NTM: variants seen among roughly 807,000 people sequenced by gnomAD.
NTM encodes the protein IgLON family member 2.
NTM carries 13 observed loss-of-function variants against 42.1 expected under a neutral mutation model. The observed-to-expected ratio is 0.31, with a 90% confidence interval of 0.20 to 0.49. The LOEUF (loss-of-function observed/expected upper bound fraction) is 0.49, where lower values mean the gene tolerates loss of function less well. Among genes scored for constraint, NTM ranks in the 20% least tolerant of loss-of-function variants. The pLI is 0.99. For synonymous variants in NTM, 187 were observed against 179.2 expected, an observed-to-expected ratio of 1.04 and a Z score of -0.35; for missense variants, 373 against 452.8, an observed-to-expected ratio of 0.82 and a Z score of 1.60.
At chr11:132,165,307 G>A (rs775175741) in intron 3 of NTM, among the ~76,000 whole-genome samples, 5 of 152,226 alleles carry the variant, frequency 3.3e-5, no homozygotes, top group Middle Eastern at 3.4e-3. Flanking sequence ...ACTAGAGATC[G>A]TCCTTGATTT....
At chr11:132,211,435 C>T (rs1007763758) in intron 3 of NTM, among the ~76,000 whole-genome samples, 4 of 152,124 alleles carry the variant, frequency 2.6e-5, no homozygotes, top group Non-Finnish European at 5.9e-5. Flanking sequence ...CTGGGAGTTG[C>T]CCAGGAAGGA....
Position 132,146,182 on chromosome 11 carries a change from G to A in NTM, c.168-100G>A. ...AAGGAAATGTATGTGTTGGGGGAAG[G>A]GAGAAAGACAAGATATTCTAGCCTT... is the stretch of plus-strand genomic sequence containing the variant. On this transcript the variant is annotated intron_variant, in intron 2 of 8. Transcript: ENST00000683400. This position sits in a 1 kb window ranked among gnomAD's most constrained non-coding sequence, Gnocchi z 4.5. The A allele has an allele frequency of 6.7e-7, 1 of 1,502,744 alleles. No homozygotes were observed. Among genetic ancestry groups the A allele is most frequent in the Admixed American group, 2.1e-5 (1 of 47,976 alleles). The allele number at this position is 1,502,744 out of a possible 1,614,324, so 93.1% of individuals were successfully genotyped here. A position where few individuals can be genotyped will look rare whatever the true frequency, so the allele number is the denominator to read the frequency against.
intron 2 of NTM, among the ~76,000 whole-genome samples, chr11:131,932,276 G>A (rs897466773): frequency 1.3e-5 from 2 of 152,186 alleles, no homozygotes. Flanking sequence ...GGGGCGGGTC[G>A]ATGGGAAAGG....
chr11:132,003,593 G>A lies in NTM; in HGVS notation c.167+91945G>A, dbSNP rs1409837910. On this transcript the variant is annotated intron_variant, in intron 2 of 8. Transcript: ENST00000683400. This position sits in a 1 kb window ranked among gnomAD's most constrained non-coding sequence, Gnocchi z 6.0. Reference sequence around the variant, plus strand: ...TTCCTGGGTAAAACTGATCCTTGTGGTCTGGGGACCACACTTTGAGAATGT... The same window carrying A: ...TTCCTGGGTAAAACTGATCCTTGTGATCTGGGGACCACACTTTGAGAATGT... Among the ~76,000 whole-genome samples the A allele has an allele frequency of 3.3e-5, 5 of 152,066 alleles. No homozygotes were observed. Among genetic ancestry groups the A allele is most frequent in the Admixed American group, 3.3e-4 (5 of 15,264 alleles).
At chr11:132,205,551 C>T (rs1325108406) in intron 3 of NTM, among the ~76,000 whole-genome samples, 8 of 152,154 alleles carry the variant, frequency 5.3e-5, no homozygotes, top group Non-Finnish European at 1.2e-4. Flanking sequence ...GCATGGCTCC[C>T]TTGGCTTCTG....
At chr11:132,202,322 A>G (rs995074716) in intron 3 of NTM, among the ~76,000 whole-genome samples, 2 of 152,164 alleles carry the variant, frequency 1.3e-5, no homozygotes, top group African/African-American at 4.8e-5. Flanking sequence ...AAGTGCTCGG[A>G]ATAGAAGGTG....
At chr11:132,237,181 C>T (rs2089162431) in intron 4 of NTM, among the ~76,000 whole-genome samples, 1 of 152,194 alleles carries the variant, frequency 6.6e-6, no homozygotes, top group Admixed American at 6.5e-5. Context: ...AACATGGGTC[C>T]ATCATCCTGA....
intron 1 of NTM, among the ~76,000 whole-genome samples, chr11:131,708,834 C>T (rs2076842395): frequency 2.0e-5 from 3 of 152,062 alleles, no homozygotes; most frequent in African/African-American, 4.8e-5. Flanking sequence ...AGAAGCATAA[C>T]GTAAACCCCC....
At chr11:132,281,864 A>T (rs138459316) in intron 4 of NTM, among the ~76,000 whole-genome samples, 3 of 152,360 alleles carry the variant, frequency 2.0e-5, no homozygotes, top group Admixed American at 2.0e-4. Context: ...AAATCTTGGA[A>T]TGCTTTCAAT....
At chr11:132,320,466 G>A (rs937681347) in intron 7 of NTM, among the ~76,000 whole-genome samples, 8 of 152,166 alleles carry the variant, frequency 5.3e-5, no homozygotes, top group African/African-American at 9.7e-5. Flanking sequence ...GCGCTTTTCC[G>A]ACGGGCTTAA....
At chr11:132,294,378 G>A (rs1350430657) in intron 4 of NTM, among the ~76,000 whole-genome samples, 1 of 151,820 alleles carries the variant, frequency 6.6e-6, no homozygotes, top group Non-Finnish European at 1.5e-5. Flanking sequence ...CTCTTGTACT[G>A]TACCATGGAA....
intron 2 of NTM, among the ~76,000 whole-genome samples, chr11:131,967,023 A>T (rs2062924488): frequency 6.6e-6 from 1 of 152,204 alleles, no homozygotes; most frequent in Non-Finnish European, 1.5e-5. Context: ...CTTCTGGCCA[A>T]GTTGCCACTA....
chr11:131,703,943 A>C (rs112470541), intron 1 of NTM, among the ~76,000 whole-genome samples: 10 of 151,900 alleles, frequency 6.6e-5, no homozygotes, highest in African/African-American at 2.4e-4. Context: ...GCCAGCCCCC[A>C]CAGCTCCAGC....
intron 1 of NTM, among the ~76,000 whole-genome samples, chr11:131,664,912 T>TGGC (rs2068758814): frequency 6.6e-6 from 1 of 152,146 alleles, no homozygotes; most frequent in Admixed American, 6.5e-5. Flanking sequence ...TAGGATCACT[T>TGGC]GGCACATCCT....
intron 1 of NTM, among the ~76,000 whole-genome samples, chr11:131,845,717 TA>T (rs879651060): frequency 4.6e-5 from 7 of 152,064 alleles, no homozygotes; most frequent in Admixed American, 3.3e-4. Context: ...GGATTTTTTT[TA>T]AAATATCTTT....
At position 132,187,214 on chromosome 11, in the gene NTM, CGTGTGTGT is replaced by C. The variant is rs55849086; in HGVS notation, c.401-24782_401-24775del. Among the ~76,000 whole-genome samples the C allele has an allele frequency of 8.3e-3, 1,225 of 148,144 alleles. 12 individuals carry two copies. Among genetic ancestry groups the C allele is most frequent in the African/African-American group, 0.023 (948 of 40,406 alleles). ...ACTGGAAAGGAGGTTGCTCAGATGG[CGTGTGTGT>C]GTGTGTGTGTGTGTGTGTGTGTGTG... On this transcript the variant is annotated intron_variant, in intron 3 of 8. Transcript: ENST00000683400.
At chr11:131,854,186 G>A (rs924516207) in intron 1 of NTM, among the ~76,000 whole-genome samples, 4 of 152,176 alleles carry the variant, frequency 2.6e-5, no homozygotes, top group African/African-American at 7.2e-5. Flanking sequence ...AAGGCCAAGA[G>A]GGTTTAATCC....
intron 1 of NTM, among the ~76,000 whole-genome samples, chr11:131,453,405 C>G (rs2136060087): frequency 6.6e-6 from 1 of 152,232 alleles, no homozygotes; most frequent in East Asian, 1.9e-4. Context: ...GGAACAGTAA[C>G]TACTTGGTAC....
At chr11:132,299,758 C>T (rs572248655) in intron 4 of NTM, among the ~76,000 whole-genome samples, 11 of 152,112 alleles carry the variant, frequency 7.2e-5, no homozygotes, top group Non-Finnish European at 1.6e-4. Context: ...AACAGGCAAA[C>T]GTAGGTTTGA....
Sources: allele counts gnomAD v4.1 joint callset (sites outside exome capture counted in the v4.1 genomes callset), GRCh38; gene constraint gnomAD v4.1.1; non-coding constraint Gnocchi (gnomAD v3.1); transcripts MANE v1.5; gene names NCBI Gene and HGNC (gene_info 2026-07-23, HGNC 2026-07-21).